The following NLK variants were observed in gnomAD, a reference collection of about 807,000 sequenced individuals.
The protein encoded by NLK is nemo like kinase, also known as serine/threonine-protein kinase NLK.
In NLK, 11 loss-of-function variants were observed where a neutral mutation model predicts 59.0. The ratio of observed to expected loss-of-function variants is 0.19; its 90% CI spans 0.12 to 0.31. NLK has a LOEUF of 0.31. Ranked by LOEUF, NLK falls within the 10% of genes least tolerant of loss-of-function variation. The pLI, the probability that NLK is intolerant of heterozygous loss-of-function variation, is 1.00. For missense variants in NLK, 410 were observed against 661.1 expected (o/e 0.62, Z 4.16); for synonymous variants, 235 against 235.9 (o/e 1.00, Z 0.03).
chr17:28,139,166 G>C (rs1301526514), intron 3 of NLK, among the ~76,000 whole-genome samples: 1 of 152,184 alleles, frequency 6.6e-6, no homozygotes, highest in African/African-American at 2.4e-5. Flanking sequence ...TGAGGCGGGA[G>C]AATCTCTTGA....
At chr17:28,131,374 T>A (rs1236998680) in intron 2 of NLK, among the ~76,000 whole-genome samples, 1 of 151,940 alleles carries the variant, frequency 6.6e-6, no homozygotes, top group Non-Finnish European at 1.5e-5. Flanking sequence ...CATTTTAGAT[T>A]TGATCATTGC....
At chr17:28,128,927 G>C (rs1244425878) in intron 2 of NLK, among the ~76,000 whole-genome samples, 1 of 152,148 alleles carries the variant, frequency 6.6e-6, no homozygotes, top group Non-Finnish European at 1.5e-5. Flanking sequence ...CTCTGAATAA[G>C]TACTTTGTGA....
At chr17:28,087,043 G>A (rs1321003305) in intron 1 of NLK, among the ~76,000 whole-genome samples, 5 of 149,092 alleles carry the variant, frequency 3.4e-5, no homozygotes, top group Admixed American at 6.7e-5. Flanking sequence ...CCATGACCTT[G>A]TCGCTCTCAA....
chr17:28,173,078 A>G (rs1908529868), intron 7 of NLK, among the ~76,000 whole-genome samples: 2 of 152,250 alleles, frequency 1.3e-5, no homozygotes, highest in Non-Finnish European at 2.9e-5. Context: ...GAAAAGAAGT[A>G]TGAAGATAGA....
At chr17:28,137,232 G>A (rs1906791108) in intron 3 of NLK, among the ~76,000 whole-genome samples, 1 of 152,064 alleles carries the variant, frequency 6.6e-6, no homozygotes. Context: ...AGTGATCCTG[G>A]AATTATGCTT....
intron 1 of NLK, among the ~76,000 whole-genome samples, chr17:28,109,443 G>T (rs12449731): frequency 2.6e-5 from 4 of 152,068 alleles, no homozygotes; most frequent in Admixed American, 2.6e-4. Flanking sequence ...GTGACTTTTA[G>T]TTAATTTATG....
rs1457571518 is a variant in NLK, at chr17:28,183,513, G to A, written c.1150-1666G>A. Among the ~76,000 whole-genome samples, 4 of 152,170 alleles carry A rather than the reference G, an allele frequency of 2.6e-5. No homozygotes were observed. The East Asian group carries it at 7.8e-4, about 29-fold the overall frequency. ...CGGGCTAATTTTTAAGTTTTTTGTA[G>A]CAATGGCATCTCACAATGTTTCCCA... On this transcript the variant is annotated intron_variant, in intron 7 of 10. Coordinates refer to ENST00000407008, the MANE Select transcript of NLK (RefSeq NM_016231.5).
chr17:28,111,177 T>C (rs1283513909), intron 1 of NLK, among the ~76,000 whole-genome samples: 1 of 151,846 alleles, frequency 6.6e-6, no homozygotes. Context: ...CAGAAACAGT[T>C]TCTGTTTGTT....
At chr17:28,196,590 T>C (rs1212439703), downstream of NLK, among the ~76,000 whole-genome samples, 1 of 152,230 alleles carries the variant, frequency 6.6e-6, no homozygotes, top group African/African-American at 2.4e-5. Flanking sequence ...AAAGATGTGA[T>C]TTAAATATAC....
intron 3 of NLK, among the ~76,000 whole-genome samples, chr17:28,146,382 T>TGA (rs1567727505): frequency 1.3e-5 from 2 of 150,480 alleles, no homozygotes; most frequent in East Asian, 1.9e-4. Flanking sequence ...TATAACGATG[T>TGA]TGATGATGAT....
chr17:28,063,475 G>C (rs1259538236), intron 1 of NLK, among the ~76,000 whole-genome samples: 1 of 151,356 alleles, frequency 6.6e-6, no homozygotes, highest in Non-Finnish European at 1.5e-5. Flanking sequence ...TCGGGGTTTG[G>C]GTTTAAAAAA....
intron 7 of NLK, among the ~76,000 whole-genome samples, chr17:28,179,872 G>GTTTTTT (rs34411493): frequency 1.6e-4 from 13 of 79,438 alleles, no homozygotes; most frequent in Non-Finnish European, 2.1e-4. Context: ...AGCATTCTTG[G>GTTTTTT]TTTTTTTTTT....
chr17:28,136,849 G>A (rs1389382467), intron 3 of NLK, among the ~76,000 whole-genome samples: 5 of 150,608 alleles, frequency 3.3e-5, no homozygotes, highest in Non-Finnish European at 5.9e-5. Context: ...GTGATCTGCC[G>A]CTTTGTTGGC....
the NLK span, among the ~76,000 whole-genome samples, chr17:28,204,042 C>T: frequency 6.6e-6 from 1 of 152,232 alleles, no homozygotes; most frequent in South Asian, 2.1e-4. Context: ...TGTTTCACAG[C>T]AGCATTCAGT....
chr17:28,198,016 C>T (rs1039302034), downstream of NLK, among the ~76,000 whole-genome samples: 1 of 152,162 alleles, frequency 6.6e-6, no homozygotes, highest in South Asian at 2.1e-4. Context: ...TAAGCAAACA[C>T]AGATTGCATA....
At chr17:28,146,650 C>T (rs1907267612) in intron 3 of NLK, among the ~76,000 whole-genome samples, 1 of 152,226 alleles carries the variant, frequency 6.6e-6, no homozygotes, top group African/African-American at 2.4e-5. Context: ...AACACACCGC[C>T]TCCCACTGCT....
intron 1 of NLK, among the ~76,000 whole-genome samples, chr17:28,113,463 C>A (rs934673482): frequency 6.6e-6 from 1 of 152,186 alleles, no homozygotes; most frequent in African/African-American, 2.4e-5. Flanking sequence ...TGATTATATG[C>A]TAAACAAAGG....
intron 1 of NLK, among the ~76,000 whole-genome samples, chr17:28,095,239 CT>C (rs1904659677): frequency 6.6e-6 from 1 of 152,144 alleles, no homozygotes. Context: ...AGTCCTCCTG[CT>C]TTATCCCCAT....
At chr17:28,055,711 G>A (rs898287044) in intron 1 of NLK, among the ~76,000 whole-genome samples, 1 of 152,090 alleles carries the variant, frequency 6.6e-6, no homozygotes, top group Non-Finnish European at 1.5e-5. Flanking sequence ...TTATGTAAAT[G>A]TTAGCTATCA....
Sources: gnomAD v4.1 joint callset for allele counts (sites outside exome capture counted in the v4.1 genomes callset) on GRCh38, gnomAD v4.1.1 for gene constraint, MANE v1.5 for transcripts, NCBI Gene and HGNC (gene_info 2026-07-23, HGNC 2026-07-21) for gene names.